The following VCF2 variants were observed in gnomAD, a reference collection of about 807,000 sequenced individuals.
The protein encoded by VCF2 is VCP nuclear cofactor family member 2, also known as protein VCF2.
the VCF2 span, among the ~76,000 whole-genome samples, chrX:55,150,233 T>C: frequency 8.9e-6 from 1 of 112,118 alleles, no homozygotes; most frequent in African/African-American, 3.2e-5. Context: ...TCTTGGTACA[T>C]GTCAGCAGTC....
chrX:55,158,630 T>C, the VCF2 span, among the ~76,000 whole-genome samples: 1 of 111,602 alleles, frequency 9.0e-6, no homozygotes, highest in Admixed American at 9.5e-5. Flanking sequence ...TATATACAGG[T>C]ATCAAAATAT....
chrX:55,155,941 C>CTTTTTTTTTT, the VCF2 span, among the ~76,000 whole-genome samples: 1 of 50,528 alleles, frequency 2.0e-5, no homozygotes, highest in Admixed American at 2.3e-4. Flanking sequence ...TCTTCTTCTT[C>CTTTTTTTTTT]TTTTTTTTTT....
chrX:55,145,335 T>C, the VCF2 span: 1 of 750,212 alleles, frequency 1.3e-6, no homozygotes, highest in Non-Finnish European at 1.6e-6. Context: ...ATTTCTTATC[T>C]GACAGAATTG....
the VCF2 span, chrX:55,160,877 A>C: frequency 2.6e-6 from 3 of 1,156,093 alleles, no homozygotes; most frequent in South Asian, 1.9e-5. Context: ...CCAAAGAACC[A>C]GCATGTTCTT....
chrX:55,143,636 T>A, the VCF2 span: 1 of 416,663 alleles, frequency 2.4e-6, no homozygotes, highest in African/African-American at 2.4e-5. Context: ...CCAAAGTAAG[T>A]CCGCATGCAG....
the VCF2 span, among the ~76,000 whole-genome samples, chrX:55,152,910 T>G: frequency 8.9e-6 from 1 of 111,932 alleles, no homozygotes; most frequent in African/African-American, 3.3e-5. Flanking sequence ...AATGCATATC[T>G]GATTACTCCC....
At chrX:55,145,982 G>A in the VCF2 span, 3 of 1,107,386 alleles carry the variant, frequency 2.7e-6, no homozygotes, top group Admixed American at 9.0e-5. Context: ...CCATTAACTT[G>A]TTACTTAAAA....
the VCF2 span, chrX:55,145,628 T>A: frequency 1.3e-6 from 1 of 756,764 alleles, no homozygotes; most frequent in African/African-American, 2.3e-5. Flanking sequence ...TACTAACTTA[T>A]GGTTTTTTGA....
At chrX:55,153,609 C>T in the VCF2 span, among the ~76,000 whole-genome samples, 13 of 110,454 alleles carry the variant, frequency 1.2e-4, no homozygotes, top group Admixed American at 1.9e-4. Flanking sequence ...GATCTGTCCG[C>T]CTCGGCCTCC....
At chrX:55,157,988 A>C in the VCF2 span, among the ~76,000 whole-genome samples, 1 of 112,595 alleles carries the variant, frequency 8.9e-6, no homozygotes, top group East Asian at 2.8e-4. Context: ...TATAATTTGT[A>C]AGATGTATGG....
chrX:55,159,301 G>A, the VCF2 span: 13 of 838,800 alleles, frequency 1.5e-5, no homozygotes, highest in East Asian at 6.5e-5. Context: ...TTGTAAAGCC[G>A]TGACAACATA....
At chrX:55,160,792 T>C in the VCF2 span, 2 of 1,136,509 alleles carry the variant, frequency 1.8e-6, no homozygotes, top group African/African-American at 1.8e-5. Context: ...AATGCTATTG[T>C]CCACTGACTG....
At chrX:55,153,839 GATTT>G in the VCF2 span, among the ~76,000 whole-genome samples, 1 of 112,052 alleles carries the variant, frequency 8.9e-6, no homozygotes, top group Non-Finnish European at 1.9e-5. Flanking sequence ...CCATAACCGA[GATTT>G]TGGGAAGAGG....
At chrX:55,160,637 T>G in the VCF2 span, 1 of 459,372 alleles carries the variant, frequency 2.2e-6, no homozygotes, top group Non-Finnish European at 3.7e-6. Flanking sequence ...TTCAGAGACG[T>G]TTGTAATGAA....
At chrX:55,159,443 GCATTT>G in the VCF2 span, among the ~76,000 whole-genome samples, 4 of 112,218 alleles carry the variant, frequency 3.6e-5, no homozygotes, top group Non-Finnish European at 7.5e-5. Context: ...GCCAAGCTGT[GCATTT>G]CATTTCTAGA....
the VCF2 span, among the ~76,000 whole-genome samples, chrX:55,156,244 G>A: frequency 1.8e-5 from 2 of 111,678 alleles, no homozygotes; most frequent in Admixed American, 9.5e-5. Context: ...GAGCCACTGC[G>A]CCTGGCCCAG....
chrX:55,154,561 C>T, the VCF2 span, among the ~76,000 whole-genome samples: 3 of 112,331 alleles, frequency 2.7e-5, no homozygotes, highest in Non-Finnish European at 5.6e-5. Context: ...TTCACAAAGG[C>T]ACTTTACAAA....
chrX:55,157,480 C>T, the VCF2 span, among the ~76,000 whole-genome samples: 74 of 111,780 alleles, frequency 6.6e-4, 1 homozygote, highest in Admixed American at 5.9e-3. Context: ...TGCAGTGAGC[C>T]GAGATCGTGC....
At chrX:55,147,641 T>G in the VCF2 span, among the ~76,000 whole-genome samples, 2 of 96,431 alleles carry the variant, frequency 2.1e-5, no homozygotes, top group African/African-American at 3.8e-5. Context: ...CTTGTTTTTT[T>G]TTTTTTTTTT....
Sources: gnomAD v4.1 joint callset for allele counts (sites outside exome capture counted in the v4.1 genomes callset) on GRCh38, gnomAD v4.1.1 for gene constraint, MANE v1.5 for transcripts, NCBI Gene and HGNC (gene_info 2026-07-23, HGNC 2026-07-21) for gene names.